TRPM7: variants seen among roughly 807,000 people sequenced by gnomAD.
The protein encoded by TRPM7 is transient receptor potential cation channel subfamily M member 7, also known as LTRPC ion channel family member 7.
In TRPM7, 134 loss-of-function variants were observed where a neutral mutation model predicts 229.7. The ratio of observed to expected loss-of-function variants is 0.58; its 90% CI spans 0.51 to 0.67. The LOEUF is 0.67. TRPM7 is among the 30% of genes least tolerant of loss of function. The pLI is 0.00. For synonymous variants in TRPM7, 699 were observed against 715.2 expected, an observed-to-expected ratio of 0.98 and a Z score of 0.36; for missense variants, 1,901 against 2,210.0, an observed-to-expected ratio of 0.86 and a Z score of 2.80.
chr15:50,668,816 A>G (rs932872063), intron 1 of TRPM7, among the ~76,000 whole-genome samples: 9 of 142,752 alleles, frequency 6.3e-5, no homozygotes, highest in Non-Finnish European at 9.6e-5. Flanking sequence ...CCTACAATAG[A>G]TATTTGTATA....
rs1344429325 is a variant in TRPM7, at chr15:50,686,439, C to A, written c.3+92G>T. The A allele has an allele frequency of 6.9e-6, 11 of 1,601,512 alleles. No homozygotes were observed. In the Admixed American group the frequency reaches 1.7e-4, roughly 24 times the overall value. On this transcript the variant is annotated intron_variant, in intron 1 of 38. Coordinates refer to ENST00000646667, the MANE Select transcript of TRPM7 (RefSeq NM_017672.6). ...TTCGAGGGTCCTTCGCCGCATGGAA[C>A]GCGGCTCCCCACACACTTGCCTGCC...
chr15:50,628,277 G>C, intron 10 of TRPM7, 28 bp from the exon 11 acceptor site: 1 of 1,480,402 alleles, frequency 6.8e-7, no homozygotes, highest in Non-Finnish European at 9.3e-7. Context: ...ATAGTTGACA[G>C]GTTCAATTAA....
intron 5 of TRPM7, among the ~76,000 whole-genome samples, chr15:50,643,086 C>T (rs1337725947): frequency 1.3e-5 from 2 of 152,010 alleles, no homozygotes; most frequent in East Asian, 1.9e-4. Context: ...GTCAGCAGTT[C>T]GAGACCAGCC....
intron 19 of TRPM7, among the ~76,000 whole-genome samples, chr15:50,608,866 C>A (rs972855425): frequency 1.3e-5 from 2 of 152,218 alleles, no homozygotes; most frequent in African/African-American, 4.8e-5. Flanking sequence ...GCTGTATCAC[C>A]TGTTCCTTCA....
rs2059886866 is a variant in TRPM7, at chr15:50,605,120, C to G, written c.2734G>C (p.Val912Leu). The change falls in exon 21 of 39, where the codon GTA becomes CTA. Residue 912 changes from valine to leucine, a missense_variant. Val to Leu is a conservative substitution (Grantham distance 32, BLOSUM62 1). This residue lies in a region of TRPM7 where 207 missense variants were observed against 241.5 expected (regional missense o/e 0.86). Transcript: ENST00000646667. ...REIFMSEAGKVNQKIKVWFSD... is the reference protein window; with the variant it reads ...REIFMSEAGKLNQKIKVWFSD... ...AACCATACTTTAATCTTCTGGTTTA[C>G]TTTCCCAGCTTCAGACATAAAGATC... 1.9e-6 allele frequency: 3 copies of G among 1,601,848 alleles called. No homozygotes were observed. The South Asian group carries it at 3.4e-5, about 18-fold the overall frequency.
At chr15:50,645,919 C>T (rs756769889) in intron 4 of TRPM7, among the ~76,000 whole-genome samples, 4 of 151,868 alleles carry the variant, frequency 2.6e-5, no homozygotes, top group Non-Finnish European at 5.9e-5. Flanking sequence ...CTTTGGGAGG[C>T]GGAGGCGGAG....
chr15:50,676,501 T>C (rs1487769443), intron 1 of TRPM7, among the ~76,000 whole-genome samples: 5 of 152,022 alleles, frequency 3.3e-5, no homozygotes, highest in Non-Finnish European at 5.9e-5. Flanking sequence ...GGAGGACTGC[T>C]TGAGGCCAGG....
chr15:50,643,599 G>C (rs754395790), intron 4 of TRPM7, 46 bp from the exon 5 acceptor site: 1 of 1,527,378 alleles, frequency 6.5e-7, no homozygotes, highest in Non-Finnish European at 9.0e-7. Context: ...CATGTTCACA[G>C]GTTTCATAAT....
chr15:50,573,646 G>A (rs536807484), intron 36 of TRPM7, among the ~76,000 whole-genome samples: 1 of 152,252 alleles, frequency 6.6e-6, no homozygotes, highest in East Asian at 1.9e-4. Flanking sequence ...GAACAATAGA[G>A]GTATTTGTTA....
chr15:50,585,094 G>A (rs930398989), intron 28 of TRPM7, among the ~76,000 whole-genome samples: 4 of 121,522 alleles, frequency 3.3e-5, no homozygotes, highest in South Asian at 2.5e-4. Flanking sequence ...TCGCTCTGTC[G>A]CCCAGGCCGG....
intron 1 of TRPM7, among the ~76,000 whole-genome samples, chr15:50,664,818 G>A (rs888318467): frequency 4.6e-5 from 7 of 152,066 alleles, no homozygotes; most frequent in African/African-American, 1.2e-4. Flanking sequence ...ACAGTCAGCC[G>A]GGTGTGGTGG....
chr15:50,680,111 G>A (rs1263322531), intron 1 of TRPM7, among the ~76,000 whole-genome samples: 2 of 152,030 alleles, frequency 1.3e-5, no homozygotes, highest in African/African-American at 4.8e-5. Flanking sequence ...GCGGGTGCCT[G>A]TAATCCTAGC....
chr15:50,678,306 T>A (rs1246899821), intron 1 of TRPM7, among the ~76,000 whole-genome samples: 1 of 149,400 alleles, frequency 6.7e-6, no homozygotes, highest in Non-Finnish European at 1.5e-5. Context: ...TTCAGAGTTA[T>A]GTGATAAATT....
intron 36 of TRPM7, among the ~76,000 whole-genome samples, chr15:50,571,009 GTAT>G (rs924163356): frequency 3.3e-5 from 5 of 152,132 alleles, no homozygotes; most frequent in African/African-American, 1.2e-4. Flanking sequence ...CTCTCCAGAA[GTAT>G]TATGATTAAA....
chr15:50,665,997 A>C (rs1357364685), intron 1 of TRPM7, among the ~76,000 whole-genome samples: 3 of 152,106 alleles, frequency 2.0e-5, no homozygotes, highest in Non-Finnish European at 4.4e-5. Context: ...TCTCTCAAAA[A>C]ATAATAATTT....
chr15:50,667,222 G>T (rs1270951582), intron 1 of TRPM7, among the ~76,000 whole-genome samples: 1 of 152,112 alleles, frequency 6.6e-6, no homozygotes, highest in African/African-American at 2.4e-5. Context: ...TAGAAGCTGT[G>T]CCTGATTACT....
Position 50,642,013 on chromosome 15 carries a change from A to G in TRPM7, c.535+1327T>C, listed in dbSNP as rs981258138. Among the ~76,000 whole-genome samples, 4 of 152,136 alleles carry G rather than the reference A, an allele frequency of 2.6e-5. No individual in the cohort carries two copies. The East Asian group carries it at 7.7e-4, about 29-fold the overall frequency. On this transcript the variant is annotated intron_variant, in intron 5 of 38. Transcript: ENST00000646667. The stretch of plus-strand genomic sequence containing the variant: ...ACTCTGTCTCAAAAAAAAAAAAAAA[A>G]AAGTTGCTGATAATGAATTAGATGT...
At chr15:50,684,366 GC>G (rs1330635557) in intron 1 of TRPM7, among the ~76,000 whole-genome samples, 2 of 152,040 alleles carry the variant, frequency 1.3e-5, no homozygotes, top group Non-Finnish European at 2.9e-5. Flanking sequence ...TAGAAGCTGG[GC>G]AAAGTGGGGC....
At chr15:50,599,005 T>C in intron 22 of TRPM7, 117 bp downstream of exon 22, 1 of 731,098 alleles carries the variant, frequency 1.4e-6, no homozygotes, top group Admixed American at 2.8e-5. Flanking sequence ...CGCCTTTGTG[T>C]GGGGCTTAGG....
Sources: gnomAD v4.1 joint callset for allele counts (sites outside exome capture counted in the v4.1 genomes callset) on GRCh38, gnomAD v4.1.1 for gene constraint, gnomAD v4.1.1 regional missense constraint, MANE v1.5 for transcripts, NCBI Gene and HGNC (gene_info 2026-07-23, HGNC 2026-07-21) for gene names.